The following UPF1 variants were observed in gnomAD, a reference collection of about 807,000 sequenced individuals.
UPF1 encodes the protein UPF1 RNA helicase and ATPase, also known as regulator of nonsense transcripts 1.
Under a neutral mutation model 129.2 loss-of-function variants are expected in UPF1, and 9 were observed. The ratio of observed to expected loss-of-function variants is 0.07; its 90% confidence interval spans 0.04 to 0.12. The LOEUF (loss-of-function observed/expected upper bound fraction) is 0.12. Among genes scored for constraint, UPF1 ranks in the 10% least tolerant of loss-of-function variants. The pLI is 1.00. For missense variants in UPF1, 788 were observed against 1,525.3 expected, an observed-to-expected ratio of 0.52 and a Z score of 8.05; for synonymous variants, 649 against 644.9, an observed-to-expected ratio of 1.01 and a Z score of -0.10.
At chr19:18,864,334 G>GC in intron 20 of UPF1, 83 bp downstream of exon 20, 1 of 1,311,012 alleles carries the variant, frequency 7.6e-7, no homozygotes, top group East Asian at 2.4e-5. Flanking sequence ...AGCTTTAGGT[G>GC]CCCCCATCTT....
At chr19:18,845,036 T>C (rs1601102789) in intron 1 of UPF1, among the ~76,000 whole-genome samples, 1 of 152,316 alleles carries the variant, frequency 6.6e-6, no homozygotes, top group African/African-American at 2.4e-5. Context: ...CTGCTCCCCA[T>C]GAGCACCTGT....
At position 18,832,572 on chromosome 19, in the gene UPF1, C is replaced by T; in HGVS notation, c.231+132C>T. The T allele has an allele frequency of 3.1e-5, 20 of 642,212 alleles. No individual in the cohort carries two copies. Among genetic ancestry groups the T allele is most frequent in the Non-Finnish European group, 3.7e-5 (19 of 515,608 alleles). 39.8% of individuals were successfully genotyped at this position (642,212 alleles called of 1,614,324 possible). On this transcript the variant is annotated intron_variant, in intron 1 of 23. Transcript: ENST00000262803. This position sits in a 1 kb window ranked among gnomAD's most constrained non-coding sequence, Gnocchi z 5.6. ...GCGGCCGGGCCTGGGGCGATCTGCCCCGGGTCCCCTACTCTGGCTCGGCCT... is the reference window on the plus strand; with the variant it reads ...GCGGCCGGGCCTGGGGCGATCTGCCTCGGGTCCCCTACTCTGGCTCGGCCT...
chr19:18,839,548 G>A (rs1406535969), intron 1 of UPF1, among the ~76,000 whole-genome samples: 1 of 152,152 alleles, frequency 6.6e-6, no homozygotes. Context: ...AAGGTCACCC[G>A]TTAGGGAGGT....
At chr19:18,835,951 T>C (rs1171850422) in intron 1 of UPF1, among the ~76,000 whole-genome samples, 1 of 152,216 alleles carries the variant, frequency 6.6e-6, no homozygotes, top group Non-Finnish European at 1.5e-5. Context: ...TTTCCCTTAA[T>C]GTGTGTTGAA....
chr19:18,836,720 A>AAAAG, intron 1 of UPF1, among the ~76,000 whole-genome samples: 1 of 152,256 alleles, frequency 6.6e-6, no homozygotes, highest in East Asian at 1.9e-4. Flanking sequence ...AACTGGAAAG[A>AAAAG]AAAGTCAGGG....
chr19:18,865,760 C>T lies in UPF1; in HGVS notation c.3219C>T (p.Ser1073=). The T allele has an allele frequency of 6.2e-7, 1 of 1,613,116 alleles. No individual in the cohort carries two copies. Among genetic ancestry groups the T allele is most frequent in the South Asian group, 1.1e-5 (1 of 91,084 alleles). The part of the protein sequence containing the change: ...QPSQMSQPGL[S]QPELSQDSYL... Reference sequence around the variant, plus strand: ...CCCAGATGAGCCAGCCCGGCCTCTCCCAGCCGGAGCTGTCCCAGGTGAGCC... The same window carrying T: ...CCCAGATGAGCCAGCCCGGCCTCTCTCAGCCGGAGCTGTCCCAGGTGAGCC... The change falls in exon 22 of 24, where the codon TCC becomes TCT. Residue 1073 remains serine, a synonymous_variant. Coordinates refer to ENST00000262803, the MANE Select transcript of UPF1 (RefSeq NM_002911.4). The surrounding 1 kb of genome is among the most constrained non-coding windows in gnomAD (Gnocchi z 6.1).
In UPF1 at chr19:18,863,466, A is replaced by C; in HGVS notation, c.2629A>C (p.Lys877Gln). Residue 877 changes from lysine to glutamine, a missense_variant, in exon 19 of 24, where the codon AAG becomes CAG. Physicochemically the swap from Lys to Gln is moderately conservative, Grantham distance 53. Transcript: ENST00000262803. Reference sequence around the variant, plus strand: ...TGGCGTCATCATTGTGGGCAACCCGAAGGCACTATCAAAGCAGCCGCTCTG... The same window carrying C: ...TGGCGTCATCATTGTGGGCAACCCGCAGGCACTATCAAAGCAGCCGCTCTG... ...RYGVIIVGNP[K>Q]ALSKQPLWNH... 6.2e-7 allele frequency: 1 copy of C among 1,613,772 alleles called. No homozygotes were observed. Among genetic ancestry groups the C allele is most frequent in the Non-Finnish European group, 8.5e-7 (1 of 1,179,782 alleles).
chr19:18,840,338 C>G (rs913690905), intron 1 of UPF1, among the ~76,000 whole-genome samples: 1 of 152,204 alleles, frequency 6.6e-6, no homozygotes, highest in East Asian at 1.9e-4. Context: ...TAAAAAGCAG[C>G]TCCAGCTCCT....
chr19:18,857,586 G>GA, intron 15 of UPF1, 53 bp downstream of exon 15: 1 of 1,512,836 alleles, frequency 6.6e-7, no homozygotes, highest in Non-Finnish European at 8.9e-7. Flanking sequence ...GGCATCAAGG[G>GA]AATGTGGACT....
chr19:18,856,066 C>T lies in UPF1; in HGVS notation c.1686C>T (p.His562=). 6.2e-7 allele frequency: 1 copy of T among 1,614,044 alleles called. No individual in the cohort carries two copies. The highest frequency in any genetic ancestry group is 8.5e-7 in the Non-Finnish European group (1 of 1,180,016). ...CCCCGGTGTCTTTTCTGGCCCTGCA[C>T]AACCAGATCAGGAACATGGACAGGT... is the stretch of plus-strand genomic sequence containing the variant. ...IDSPVSFLAL[H]NQIRNMDSMP... The change falls in exon 12 of 24, where the codon CAC becomes CAT. Residue 562 remains histidine, a synonymous_variant. Transcript: ENST00000262803.
chr19:18,858,475 A>T (rs2055742062), intron 15 of UPF1, among the ~76,000 whole-genome samples: 2 of 152,010 alleles, frequency 1.3e-5, no homozygotes, highest in South Asian at 4.2e-4. Flanking sequence ...TGACCAGCAG[A>T]GTGTCACGAA....
intron 1 of UPF1, among the ~76,000 whole-genome samples, chr19:18,837,045 C>T (rs1246238188): frequency 6.6e-6 from 1 of 152,022 alleles, no homozygotes; most frequent in East Asian, 1.9e-4. Flanking sequence ...AGCCACTGCG[C>T]CCAGCCTGCC....
At position 18,862,203 on chromosome 19, in the gene UPF1, TC is replaced by T. The variant is rs1040011346; in HGVS notation, c.2600+54del. ...GCCCAGCCGCTCATCGGTCCTCACT[TC>T]CCAGGGAATTTGGGGCTAGGGTTGG... On this transcript the variant is annotated intron_variant, in intron 18 of 23. Coordinates refer to ENST00000262803, the MANE Select transcript of UPF1 (RefSeq NM_002911.4). 3.8e-6 allele frequency: 6 copies of T among 1,597,058 alleles called. No homozygotes were observed. In the Admixed American group the frequency reaches 5.1e-5, roughly 14 times the overall value.
chr19:18,850,918 CG>C lies in UPF1; in HGVS notation c.810+54del. Reference sequence around the variant, plus strand: ...CGTGCCTTCGTGTGGTTTCTGGTTGCGGGGAGGGGAGTGTCTTCAGAGACGG... The same window carrying C: ...CGTGCCTTCGTGTGGTTTCTGGTTGCGGGAGGGGAGTGTCTTCAGAGACGG... On this transcript the variant is annotated intron_variant, in intron 5 of 23. Transcript: ENST00000262803. The surrounding 1 kb of genome is among the most constrained non-coding windows in gnomAD (Gnocchi z 7.1). The C allele has an allele frequency of 1.4e-6, 2 of 1,475,646 alleles. No individual in the cohort carries two copies. The highest frequency in any genetic ancestry group is 2.4e-5 in the East Asian group (1 of 40,990). 91.4% of individuals were successfully genotyped at this position (1,475,646 alleles called of 1,614,324 possible).
chr19:18,852,421 T>G (rs1461571298), intron 6 of UPF1, 125 bp downstream of exon 6: 11 of 1,404,240 alleles, frequency 7.8e-6, no homozygotes, highest in Non-Finnish European at 1.1e-5. Context: ...CCGCGACACC[T>G]GAGAGTTGGA....
chr19:18,844,539 G>T (rs1369302931), intron 1 of UPF1, among the ~76,000 whole-genome samples: 2 of 151,272 alleles, frequency 1.3e-5, no homozygotes, highest in African/African-American at 4.9e-5. Context: ...CACCATGTTG[G>T]CCAGGCTGGT....
intron 1 of UPF1, among the ~76,000 whole-genome samples, chr19:18,840,380 C>T (rs1463636739): frequency 1.1e-4 from 17 of 152,200 alleles, no homozygotes; most frequent in Non-Finnish European, 1.8e-4. Context: ...CATAATTCCC[C>T]AGGCTGAGCC....
rs528004916 is a variant in UPF1 at position 18,853,895 on chromosome 19, G to T, written c.1156+545G>T. On this transcript the variant is annotated intron_variant, in intron 8 of 23. Coordinates refer to ENST00000262803, the MANE Select transcript of UPF1 (RefSeq NM_002911.4). The surrounding 1 kb of genome is among the most constrained non-coding windows in gnomAD (Gnocchi z 4.4). Reference sequence around the variant, plus strand: ...GGGAGGAGTCCTGGGAGAAGACACCGCGGGTCAGACTCAGGCTGCCTCTTG... The same window carrying T: ...GGGAGGAGTCCTGGGAGAAGACACCTCGGGTCAGACTCAGGCTGCCTCTTG... Among the ~76,000 whole-genome samples the T allele has an allele frequency of 3.3e-5, 5 of 152,172 alleles. No individual in the cohort carries two copies. The highest frequency in any genetic ancestry group is 9.7e-5 in the African/African-American group (4 of 41,436).
chr19:18,846,179 G>T, intron 2 of UPF1, 60 bp downstream of exon 2: 4 of 1,599,558 alleles, frequency 2.5e-6, no homozygotes, highest in Non-Finnish European at 3.4e-6. Context: ...TCTGGCATGG[G>T]CCTGGGACAC....
Sources: gnomAD v4.1 joint callset for allele counts (sites outside exome capture counted in the v4.1 genomes callset) on GRCh38, gnomAD v4.1.1 for gene constraint, Gnocchi (gnomAD v3.1) non-coding constraint, MANE v1.5 for transcripts, NCBI Gene and HGNC (gene_info 2026-07-23, HGNC 2026-07-21) for gene names.